CDH13: variants seen among roughly 807,000 people sequenced by gnomAD.
CDH13 encodes the protein cadherin 13, also known as cadherin-13.
In CDH13, 24 loss-of-function variants were observed where a neutral mutation model predicts 63.8. That is an observed-to-expected ratio of 0.38 (90% CI 0.27 to 0.53). CDH13 has a LOEUF of 0.53. Among genes scored for constraint, CDH13 ranks in the 20% least tolerant of loss-of-function variants. The probability of loss-of-function intolerance (pLI) is 0.85; values close to 1 mark genes in which losing one functional copy is unlikely to be tolerated. For synonymous variants in CDH13, 503 were observed against 355.3 expected (o/e 1.42, Z -4.67); for missense variants, 1,049 against 903.1 (o/e 1.16, Z -2.07).
intron 4 of CDH13, among the ~76,000 whole-genome samples, chr16:83,212,233 T>C (rs544449328): frequency 6.6e-6 from 1 of 152,062 alleles, no homozygotes; most frequent in South Asian, 2.1e-4. Context: ...GAGTGTATCC[T>C]TGGGTTATGG....
intron 5 of CDH13, among the ~76,000 whole-genome samples, chr16:83,258,917 C>G (rs1296101612): frequency 6.6e-6 from 1 of 152,226 alleles, no homozygotes; most frequent in Non-Finnish European, 1.5e-5. Flanking sequence ...GCCTCTCCTT[C>G]CACCTTTGAA....
intron 10 of CDH13, among the ~76,000 whole-genome samples, chr16:83,727,840 G>C (rs1287893191): frequency 6.6e-6 from 1 of 152,122 alleles, no homozygotes; most frequent in African/African-American, 2.4e-5. Flanking sequence ...AGCCCAGGGA[G>C]TGAACAGGGG....
At chr16:83,440,354 C>A (rs1351180058) in intron 6 of CDH13, among the ~76,000 whole-genome samples, 1 of 152,080 alleles carries the variant, frequency 6.6e-6, no homozygotes, top group Non-Finnish European at 1.5e-5. Context: ...TTAGTTAGTG[C>A]AGAGTGGAGA....
At chr16:82,753,628 G>T (rs755055837) in intron 1 of CDH13, among the ~76,000 whole-genome samples, 2 of 152,194 alleles carry the variant, frequency 1.3e-5, no homozygotes, top group African/African-American at 2.4e-5. Context: ...GTAATGAGAG[G>T]CATGGACTTT....
intron 2 of CDH13, chr16:82,858,736 C>G (rs545798969): frequency 1.2e-5 from 7 of 587,952 alleles, no homozygotes; most frequent in African/African-American, 1.1e-4. Flanking sequence ...GGCTGTCAGC[C>G]TCCAATGAGA....
intron 10 of CDH13, among the ~76,000 whole-genome samples, chr16:83,687,074 A>G (rs1471326618): frequency 1.3e-5 from 2 of 152,106 alleles, no homozygotes; most frequent in Non-Finnish European, 2.9e-5. Flanking sequence ...TTAGCCAGGC[A>G]TGGTGGTGCT....
At chr16:83,750,693 C>G (rs1913007837) in intron 11 of CDH13, among the ~76,000 whole-genome samples, 1 of 152,180 alleles carries the variant, frequency 6.6e-6, no homozygotes, top group Admixed American at 6.5e-5. Context: ...TTCTGCAAGT[C>G]AAGGAGTTCC....
intron 8 of CDH13, among the ~76,000 whole-genome samples, chr16:83,635,332 CTTTTTTTTTTTTTTTTTT>C (rs71148847): frequency 2.1e-5 from 1 of 46,716 alleles, no homozygotes; most frequent in African/African-American, 9.9e-5. Context: ...CATTTTCTTT[CTTTTTTTTTTTTTTTTTT>C]TTTTTTTTTT....
At chr16:82,892,710 A>G (rs575708945) in intron 2 of CDH13, among the ~76,000 whole-genome samples, 1 of 152,254 alleles carries the variant, frequency 6.6e-6, no homozygotes, top group Non-Finnish European at 1.5e-5. Context: ...AGAAACAACT[A>G]TTTGAAATGC....
intron 1 of CDH13, among the ~76,000 whole-genome samples, chr16:82,725,148 G>C (rs1275089941): frequency 6.6e-6 from 1 of 152,134 alleles, no homozygotes; most frequent in African/African-American, 2.4e-5. Flanking sequence ...TGATGGTGAT[G>C]ATGACAGTTG....
At position 82,786,125 on chromosome 16, in the gene CDH13, C is replaced by A. The variant is rs549642005; in HGVS notation, c.46-72237C>A. On this transcript the variant is annotated intron_variant, in intron 1 of 13. Coordinates refer to ENST00000567109, the MANE Select transcript of CDH13 (RefSeq NM_001257.5). The stretch of plus-strand genomic sequence containing the variant: ...GTGATCAGAATGAGTTAGGGTGGAG[C>A]AGGTGATCAGAATGAGTCAGGGTGG... Among the ~76,000 whole-genome samples the A allele has an allele frequency of 2.0e-5, 3 of 152,172 alleles. No individual in the cohort carries two copies. The South Asian group carries it at 6.2e-4, about 32-fold the overall frequency.
At chr16:83,567,915 G>A (rs1330094170) in intron 7 of CDH13, among the ~76,000 whole-genome samples, 1 of 152,148 alleles carries the variant, frequency 6.6e-6, no homozygotes, top group Non-Finnish European at 1.5e-5. Flanking sequence ...TTTTAACCCT[G>A]TAAATTCTGT....
chr16:83,507,666 T>G (rs576477521), intron 7 of CDH13, among the ~76,000 whole-genome samples: 5 of 152,214 alleles, frequency 3.3e-5, no homozygotes, highest in Non-Finnish European at 7.3e-5. Flanking sequence ...TCTCATCTAA[T>G]GGCACATGCT....
intron 2 of CDH13, among the ~76,000 whole-genome samples, chr16:82,917,908 C>G (rs1392977322): frequency 1.7e-5 from 2 of 119,350 alleles, no homozygotes; most frequent in Non-Finnish European, 3.4e-5. Flanking sequence ...GAGAGAGACT[C>G]CATGTCAAAA....
At chr16:82,908,171 A>T (rs2041710282) in intron 2 of CDH13, among the ~76,000 whole-genome samples, 1 of 152,160 alleles carries the variant, frequency 6.6e-6, no homozygotes, top group African/African-American at 2.4e-5. Flanking sequence ...TGAAATAAGA[A>T]AGGAAAAGGA....
intron 4 of CDH13, among the ~76,000 whole-genome samples, chr16:83,136,920 C>T (rs1159149814): frequency 1.3e-5 from 2 of 152,186 alleles, no homozygotes; most frequent in African/African-American, 2.4e-5. Context: ...GCTACTTTGG[C>T]ATAAATTCTC....
chr16:83,296,009 A>C (rs9926620), intron 5 of CDH13, among the ~76,000 whole-genome samples: 52,017 of 151,998 alleles, frequency 0.34, 9,632 homozygotes, highest in Middle Eastern at 0.42. Context: ...TTGATGTTTC[A>C]GAGAAATAAA....
At chr16:83,448,074 G>A (rs749868097) in intron 6 of CDH13, among the ~76,000 whole-genome samples, 2 of 152,152 alleles carry the variant, frequency 1.3e-5, no homozygotes, top group Non-Finnish European at 1.5e-5. Context: ...CTGAGATAGG[G>A]GTAAATATGG....
rs564321006 is a variant in CDH13, at chr16:83,055,788, C to G, written c.366+23570C>G. ...TCTTCTTTGCAATAACTGACATAAA[C>G]ATTGAAAGAAGGAAAAATTATAAGC... On this transcript the variant is annotated intron_variant, in intron 3 of 13. Transcript: ENST00000567109. Among the ~76,000 whole-genome samples the G allele has an allele frequency of 2.6e-5, 4 of 152,108 alleles. No homozygotes were observed. The East Asian group carries it at 7.7e-4, about 29-fold the overall frequency.
Sources: gnomAD v4.1 joint callset for allele counts (sites outside exome capture counted in the v4.1 genomes callset) on GRCh38, gnomAD v4.1.1 for gene constraint, MANE v1.5 for transcripts, NCBI Gene and HGNC (gene_info 2026-07-23, HGNC 2026-07-21) for gene names.